The following CACHD1 variants were observed in gnomAD, a reference collection of about 807,000 sequenced individuals.
CACHD1 encodes cache domain containing 1.
CACHD1 carries 71 observed loss-of-function variants against 138.7 expected under a neutral mutation model. The ratio of observed to expected loss-of-function variants is 0.51; its 90% CI spans 0.42 to 0.62. The LOEUF is 0.62. CACHD1 is among the 20% of genes least tolerant of loss of function. The pLI is 0.00. For missense variants in CACHD1, 1,389 were observed against 1,625.3 expected, an observed-to-expected ratio of 0.85 and a Z score of 2.50; for synonymous variants, 578 against 591.5, an observed-to-expected ratio of 0.98 and a Z score of 0.33.
chr1:64,653,668 C>A, intron 10 of CACHD1, 90 bp from the exon 11 acceptor site: 1 of 1,354,632 alleles, frequency 7.4e-7, no homozygotes, highest in Non-Finnish European at 1.0e-6. Context: ...ATCGGGCAGC[C>A]AGCCCAGAGT....
rs78470479 is a variant in CACHD1 at position 64,503,871 on chromosome 1, G to A, written c.198+32929G>A. Among the ~76,000 whole-genome samples, 657 of 152,234 alleles carry A rather than the reference G, an allele frequency of 4.3e-3. 10 individuals are homozygous for A. Among genetic ancestry groups the A allele is most frequent in the African/African-American group, 0.014 (582 of 41,542 alleles). ...AGCCATCAGCATAGTGACCTGTGAC[G>A]CTGTTTCCCTTCCTTTTGTAAATGA... On this transcript the variant is annotated intron_variant, in intron 1 of 26. Coordinates refer to ENST00000651257, the MANE Select transcript of CACHD1 (RefSeq NM_020925.4).
At chr1:64,629,267 C>A in intron 4 of CACHD1, 88 bp from the exon 5 acceptor site, 1 of 1,390,362 alleles carries the variant, frequency 7.2e-7, no homozygotes, top group African/African-American at 1.4e-5. Flanking sequence ...ATACTAGAAG[C>A]AGTTTATGCA....
chr1:64,580,652 C>T (rs1647004543), intron 2 of CACHD1, among the ~76,000 whole-genome samples: 1 of 152,086 alleles, frequency 6.6e-6, no homozygotes, highest in South Asian at 2.1e-4. Context: ...GTTAAAAAAG[C>T]AATCAATCGA....
chr1:64,617,136 GA>G (rs5774712), intron 4 of CACHD1, among the ~76,000 whole-genome samples: 142,183 of 146,664 alleles, frequency 0.97, 69,045 homozygotes, highest in Non-Finnish European at 1. Flanking sequence ...GATGCTTTGT[GA>G]AAAAAAAACA....
At chr1:64,571,650 C>T (rs1397926674) in intron 2 of CACHD1, among the ~76,000 whole-genome samples, 4 of 152,274 alleles carry the variant, frequency 2.6e-5, no homozygotes, top group Admixed American at 6.5e-5. Flanking sequence ...AGCTAATTGA[C>T]GCTTGCTGGC....
intron 4 of CACHD1, among the ~76,000 whole-genome samples, chr1:64,610,196 A>C (rs1025513922): frequency 3.3e-5 from 5 of 152,230 alleles, no homozygotes; most frequent in African/African-American, 1.2e-4. Context: ...ACTACAGTTC[A>C]AGATGAGATT....
chr1:64,598,368 A>G (rs904497724), intron 3 of CACHD1, among the ~76,000 whole-genome samples: 1 of 152,236 alleles, frequency 6.6e-6, no homozygotes, highest in African/African-American at 2.4e-5. Flanking sequence ...GAAATTCAGC[A>G]CATGTGAGAG....
In CACHD1 at chr1:64,568,225, G is replaced by A. The variant is rs562846646; in HGVS notation, c.262-13931G>A. On this transcript the variant is annotated intron_variant, in intron 2 of 26. Coordinates refer to ENST00000651257, the MANE Select transcript of CACHD1 (RefSeq NM_020925.4). ...TAAATAAGAACTTTTAGCTAATTGAGTGAGTGAAAAACTGCAGCTGTTGGA... is the reference window on the plus strand; with the variant it reads ...TAAATAAGAACTTTTAGCTAATTGAATGAGTGAAAAACTGCAGCTGTTGGA... Among the ~76,000 whole-genome samples, 3 of 152,218 alleles carry A rather than the reference G, an allele frequency of 2.0e-5. No individual in the cohort carries two copies. In the South Asian group the frequency reaches 6.2e-4, roughly 32 times the overall value.
intron 4 of CACHD1, chr1:64,613,540 T>C (rs1647603519): frequency 6.6e-6 from 1 of 152,174 alleles, no homozygotes; most frequent in African/African-American, 2.4e-5. Context: ...TGTTTAAAAG[T>C]CAGGCTCTCA....
intron 1 of CACHD1, among the ~76,000 whole-genome samples, chr1:64,509,231 C>T (rs1646400430): frequency 6.6e-6 from 1 of 152,156 alleles, no homozygotes; most frequent in Non-Finnish European, 1.5e-5. Flanking sequence ...CTATAACTCC[C>T]TCTACCTTGG....
At chr1:64,520,676 G>A (rs1427609883) in intron 1 of CACHD1, among the ~76,000 whole-genome samples, 1 of 152,220 alleles carries the variant, frequency 6.6e-6, no homozygotes, top group Non-Finnish European at 1.5e-5. Context: ...ACTTTGAAAT[G>A]ATTTGTAAGG....
chr1:64,598,420 T>C (rs1647176874), intron 3 of CACHD1, among the ~76,000 whole-genome samples: 1 of 152,202 alleles, frequency 6.6e-6, no homozygotes, highest in Non-Finnish European at 1.5e-5. Flanking sequence ...CAGTAGATGT[T>C]CAATGAATAT....
intron 4 of CACHD1, among the ~76,000 whole-genome samples, chr1:64,621,346 A>G (rs1036130345): frequency 1.2e-4 from 18 of 152,136 alleles, no homozygotes; most frequent in African/African-American, 1.4e-4. Context: ...GCTGACTTAT[A>G]TCTTCTAAGT....
intron 1 of CACHD1, among the ~76,000 whole-genome samples, chr1:64,527,150 G>A (rs1646547023): frequency 6.6e-6 from 1 of 152,156 alleles, no homozygotes; most frequent in Admixed American, 6.5e-5. Flanking sequence ...GGCGTAAAAT[G>A]GATGAGTGCA....
intron 1 of CACHD1, among the ~76,000 whole-genome samples, chr1:64,479,099 A>G (rs1490624971): frequency 6.6e-6 from 1 of 152,226 alleles, no homozygotes; most frequent in Non-Finnish European, 1.5e-5. Context: ...TTACAAAAAG[A>G]AAATGCAGTG....
chr1:64,635,385 T>TA (rs976064127), intron 7 of CACHD1, among the ~76,000 whole-genome samples: 6 of 148,360 alleles, frequency 4.0e-5, no homozygotes, highest in Admixed American at 1.3e-4. Context: ...ATTTAATTTT[T>TA]TTTTTTTTTT....
chr1:64,611,980 G>A (rs1570416125), intron 4 of CACHD1, among the ~76,000 whole-genome samples: 1 of 152,204 alleles, frequency 6.6e-6, no homozygotes, highest in East Asian at 1.9e-4. Flanking sequence ...CATGTTGGAA[G>A]GCAAAGGGCA....
At chr1:64,663,590 T>A in intron 13 of CACHD1, 105 bp from the exon 14 acceptor site, 2 of 1,341,998 alleles carry the variant, frequency 1.5e-6, no homozygotes, top group Non-Finnish European at 1.0e-6. Context: ...AAAAAGACAT[T>A]AAGCCACCAT....
chr1:64,657,231 A>G (rs535651774), intron 12 of CACHD1, among the ~76,000 whole-genome samples: 3 of 152,316 alleles, frequency 2.0e-5, no homozygotes, highest in Admixed American at 6.5e-5. Context: ...ACCCACTCCC[A>G]ACCCATAGAG....
Sources: allele counts gnomAD v4.1 joint callset (sites outside exome capture counted in the v4.1 genomes callset), GRCh38; gene constraint gnomAD v4.1.1; transcripts MANE v1.5; gene names NCBI Gene and HGNC (gene_info 2026-07-23, HGNC 2026-07-21).